Variants in SPHK1 observed in about 807,000 individuals in gnomAD.
SPHK1 encodes sphingosine kinase 1.
Under a neutral mutation model 14.6 loss-of-function variants are expected in SPHK1, and 10 were observed. The observed-to-expected ratio is 0.68, with a 90% CI of 0.42 to 1.16. The LOEUF (loss-of-function observed/expected upper bound fraction) is 1.16. Ranked by LOEUF, SPHK1 falls within the 50% of genes most tolerant of loss-of-function variation. The pLI is 0.00. For missense variants in SPHK1, 553 were observed against 525.4 expected (o/e 1.05, Z -0.51); for synonymous variants, 274 against 224.0 (o/e 1.22, Z -1.99).
chr17:76,385,416 C>G lies in SPHK1; in HGVS notation c.-194-35C>G, dbSNP rs761460635. ...GCTCCCCACCTCTGGCAGCTGCGGC[C>G]CCGGACTCCGCCAGCGCTGTCTTCT... On this transcript the variant is annotated intron_variant, in intron 1 of 5. Transcript: ENST00000592299. This position sits in a 1 kb window ranked among gnomAD's most constrained non-coding sequence, Gnocchi z 5.3. 25 of 1,487,828 alleles carry G rather than the reference C, an allele frequency of 1.7e-5. 1 individual carries two copies. In the South Asian group the frequency reaches 3.2e-4, roughly 19 times the overall value. The allele number at this position is 1,487,828 out of a possible 1,614,324, so 92.2% of individuals were successfully genotyped here.
At position 76,386,184 on chromosome 17, in the gene SPHK1, AC is replaced by A. The variant is rs760132873; in HGVS notation, c.164-30del. ...TTTCGGGAGCATCCCCTGGCAGGGG[AC>A]CCCCCCAGTCCTGATAGCTGCCGGT... On this transcript the variant is annotated intron_variant, in intron 3 of 5. Transcript: ENST00000592299. The surrounding 1 kb of genome is among the most constrained non-coding windows in gnomAD (Gnocchi z 5.3). 2.7e-5 allele frequency: 43 copies of A among 1,586,558 alleles called. No homozygotes were observed. Among genetic ancestry groups the A allele is most frequent in the African/African-American group, 4.1e-5 (3 of 74,024 alleles).
Position 76,385,667 on chromosome 17 carries a change from C to G in SPHK1, c.10+13C>G. The G allele has an allele frequency of 6.5e-7, 1 of 1,533,360 alleles. No individual in the cohort carries two copies. Among genetic ancestry groups the G allele is most frequent in the South Asian group, 1.2e-5 (1 of 83,840 alleles). The allele number at this position is 1,533,360 out of a possible 1,614,324, so 95.0% of individuals were successfully genotyped here. Reference sequence around the variant, plus strand: ...GTTATGGATCCAGGTTTGTGGGGTTCCTGCTGGGAAGGGCTGTAGGGGGAT... The same window carrying G: ...GTTATGGATCCAGGTTTGTGGGGTTGCTGCTGGGAAGGGCTGTAGGGGGAT... On this transcript the variant is annotated intron_variant, in intron 2 of 5. Coordinates refer to ENST00000592299, the MANE Select transcript of SPHK1 (RefSeq NM_001142601.2). This position sits in a 1 kb window ranked among gnomAD's most constrained non-coding sequence, Gnocchi z 5.3.
At position 76,387,257 on chromosome 17, in the gene SPHK1, C is replaced by A. The variant is rs571579493; in HGVS notation, c.826C>A (p.Pro276Thr). 14 of 1,613,414 alleles carry A rather than the reference C, an allele frequency of 8.7e-6. No individual in the cohort carries two copies. The South Asian group carries it at 1.4e-4, about 16-fold the overall frequency. ...SHLGSEMFAA[P>T]MGRCAAGVMH... The stretch of plus-strand genomic sequence containing the variant: ...CCTGGGCAGTGAGATGTTTGCTGCA[C>A]CCATGGGCCGCTGTGCAGCTGGCGT... The change falls in exon 6 of 6, where the codon CCC (proline) becomes ACC (threonine). Residue 276 changes from proline (P) to threonine (T), a missense_variant. Transcript: ENST00000592299. This position sits in a 1 kb window ranked among gnomAD's most constrained non-coding sequence, Gnocchi z 4.1.
chr17:76,383,401 G>C (rs1050908155), upstream of SPHK1: 21 of 157,468 alleles, frequency 1.3e-4, 1 homozygote, highest in South Asian at 3.3e-3. Context: ...AAACGGGGCC[G>C]AGCTGCCTGG....
rs1429895315 is a variant in SPHK1 at position 76,387,059 on chromosome 17, C to G, written c.628C>G (p.Leu210Val). The change falls in exon 6 of 6, where the codon CTG (leucine) becomes GTG (valine). Residue 210 changes from leucine (L) to valine (V), a missense_variant. Leu to Val is a conservative substitution (Grantham distance 32). Coordinates refer to ENST00000592299, the MANE Select transcript of SPHK1 (RefSeq NM_001142601.2). This position sits in a 1 kb window ranked among gnomAD's most constrained non-coding sequence, Gnocchi z 4.1. ...LAALRTYRGR[L>V]AYLPVGRVGS... ...AGCCCTGCGCACCTACCGCGGCCGA[C>G]TGGCCTACCTCCCTGTAGGAAGAGT... 1 of 1,613,410 alleles carries G rather than the reference C, an allele frequency of 6.2e-7. No individual in the cohort carries two copies. The highest frequency in any genetic ancestry group is 8.5e-7 in the Non-Finnish European group (1 of 1,180,054).
chr17:76,386,986 G>A lies in SPHK1; in HGVS notation c.555G>A (p.Arg185=). The A allele has an allele frequency of 6.2e-7, 1 of 1,613,692 alleles. No individual in the cohort carries two copies. Among genetic ancestry groups the A allele is most frequent in the Non-Finnish European group, 8.5e-7 (1 of 1,179,958 alleles). ...ADVDLESEKY[R]RLGEMRFTLG... ...TGGACCTAGAGAGTGAGAAGTATCG[G>A]CGTCTGGGGGAGATGCGCTTCACTC... Residue 185 remains arginine, a synonymous_variant, in exon 6 of 6, where the codon CGG becomes CGA. Coordinates refer to ENST00000592299, the MANE Select transcript of SPHK1 (RefSeq NM_001142601.2). This position sits in a 1 kb window ranked among gnomAD's most constrained non-coding sequence, Gnocchi z 5.3.
In SPHK1 at chr17:76,385,273, T is replaced by G; in HGVS notation, c.-194-178T>G. The G allele has an allele frequency of 1.3e-6, 2 of 1,502,770 alleles. No homozygotes were observed. Among genetic ancestry groups the G allele is most frequent in the Non-Finnish European group, 1.8e-6 (2 of 1,124,238 alleles). The allele number at this position is 1,502,770 out of a possible 1,614,324, so 93.1% of individuals were successfully genotyped here. On this transcript the variant is annotated intron_variant, in intron 1 of 5. Transcript: ENST00000592299. The surrounding 1 kb of genome is among the most constrained non-coding windows in gnomAD (Gnocchi z 5.3). ...GAGAAAGCCCCGGAGCAGGCGCCCT[T>G]CTCAGGGATTGTAGGCTTAGTCACA...
Position 76,385,301 on chromosome 17 carries a change from G to T in SPHK1, c.-194-150G>T. On this transcript the variant is annotated intron_variant, in intron 1 of 5. Coordinates refer to ENST00000592299, the MANE Select transcript of SPHK1 (RefSeq NM_001142601.2). The surrounding 1 kb of genome is among the most constrained non-coding windows in gnomAD (Gnocchi z 5.3). ...CAGGGATTGTAGGCTTAGTCACACG[G>T]CGGGGGCGCCCTCGGAGGCACCGGA... 6.8e-7 allele frequency: 1 copy of T among 1,464,122 alleles called. No individual in the cohort carries two copies. The highest frequency in any genetic ancestry group is 9.0e-7 in the Non-Finnish European group (1 of 1,106,958). 90.7% of individuals were successfully genotyped at this position (1,464,122 alleles called of 1,614,324 possible).
chr17:76,383,917 C>T (rs1305482465), upstream of SPHK1: 3 of 1,189,910 alleles, frequency 2.5e-6, no homozygotes, highest in Non-Finnish European at 3.2e-6. Flanking sequence ...CTCTCCGGCT[C>T]GGAGCCCCCG....
In SPHK1 at chr17:76,387,818, C is replaced by G. The variant is rs2072023329; in HGVS notation, c.*232C>G. The G allele has an allele frequency of 7.9e-6, 4 of 506,420 alleles. No individual in the cohort carries two copies. The Admixed American group carries it at 1.1e-4, about 14-fold the overall frequency. The allele number at this position is 506,420 out of a possible 1,614,324, so 31.4% of individuals were successfully genotyped here. ...GCCTTCTAGTTTGTTCTGAGACCCC[C>G]ACCCCACGAACCAAATCCAAATAAA... On this transcript the variant is annotated 3_prime_UTR_variant, in exon 6 of 6. Coordinates refer to ENST00000592299, the MANE Select transcript of SPHK1 (RefSeq NM_001142601.2). This position sits in a 1 kb window ranked among gnomAD's most constrained non-coding sequence, Gnocchi z 4.1.
upstream of SPHK1, chr17:76,383,780 C>G: frequency 1.6e-6 from 2 of 1,219,066 alleles, no homozygotes; most frequent in Non-Finnish European, 2.2e-6. Flanking sequence ...AAAGAAGTGA[C>G]AACTTCTGAG....
upstream of SPHK1, chr17:76,384,560 G>A (rs1315429731): frequency 6.6e-6 from 1 of 151,242 alleles, no homozygotes; most frequent in Admixed American, 6.6e-5. Flanking sequence ...GCCGGGCTCA[G>A]GTTCCACCCC....
In SPHK1 at chr17:76,386,845, C is replaced by T; in HGVS notation, c.414C>T (p.Cys138=). 6.3e-7 allele frequency: 1 copy of T among 1,581,098 alleles called. No homozygotes were observed. The highest frequency in any genetic ancestry group is 8.6e-7 in the Non-Finnish European group (1 of 1,161,550). ...CCAATGAAGACCTCCTGACCAACTG[C>T]ACGCTATTGCTGTGCCGCCGGCTGC... ...QVTNEDLLTN[C]TLLLCRRLLS... is the part of the protein sequence containing the mutation. Residue 138 remains cysteine (C), a synonymous_variant, in exon 6 of 6, where the codon TGC becomes TGT. Transcript: ENST00000592299. This position sits in a 1 kb window ranked among gnomAD's most constrained non-coding sequence, Gnocchi z 5.3.
chr17:76,383,912 C>A, upstream of SPHK1: 1 of 1,196,112 alleles, frequency 8.4e-7, no homozygotes. Context: ...GCCTCCTCTC[C>A]GGCTCGGAGC....
Position 76,386,812 on chromosome 17 carries a change from G to T in SPHK1, c.381G>T (p.Glu127Asp). The T allele has an allele frequency of 6.5e-7, 1 of 1,546,576 alleles. No homozygotes were observed. ...AASLNHYAGY[E>D]QVTNEDLLTN... The stretch of plus-strand genomic sequence containing the variant: ...TGACTTTTTCCCCCTGCAGCTATGA[G>T]CAGGTCACCAATGAAGACCTCCTGA... Residue 127 changes from glutamate to aspartate, a missense_variant, in exon 6 of 6, where the codon GAG becomes GAT. Coordinates refer to ENST00000592299, the MANE Select transcript of SPHK1 (RefSeq NM_001142601.2). This position sits in a 1 kb window ranked among gnomAD's most constrained non-coding sequence, Gnocchi z 5.3.
chr17:76,385,790 C>G lies in SPHK1; in HGVS notation c.10+136C>G, dbSNP rs749563845. On this transcript the variant is annotated intron_variant, in intron 2 of 5. Transcript: ENST00000592299. The surrounding 1 kb of genome is among the most constrained non-coding windows in gnomAD (Gnocchi z 5.3). ...ATCCCTCACGAGGCCAGAAGCCGGC[C>G]GAATCTGAGCCAAGGAAGGGGGTGG... 34 of 1,423,220 alleles carry G rather than the reference C, an allele frequency of 2.4e-5. 1 individual carries two copies. The Middle Eastern group carries it at 1.4e-3, about 58-fold the overall frequency. The allele number at this position is 1,423,220 out of a possible 1,614,324, so 88.2% of individuals were successfully genotyped here. A position where few individuals can be genotyped will look rare whatever the true frequency, so the allele number is the denominator to read the frequency against.
rs1001163754 is a variant in SPHK1 at position 76,385,028 on chromosome 17, C to T, written c.-195+222C>T. 7.3e-6 allele frequency: 11 copies of T among 1,497,842 alleles called. No individual in the cohort carries two copies. The highest frequency in any genetic ancestry group is 9.0e-6 in the Non-Finnish European group (10 of 1,112,198). The allele number at this position is 1,497,842 out of a possible 1,614,324, so 92.8% of individuals were successfully genotyped here. A position where few individuals can be genotyped will look rare whatever the true frequency, so the allele number is the denominator to read the frequency against. On this transcript the variant is annotated intron_variant, in intron 1 of 5. Coordinates refer to ENST00000592299, the MANE Select transcript of SPHK1 (RefSeq NM_001142601.2). The surrounding 1 kb of genome is among the most constrained non-coding windows in gnomAD (Gnocchi z 5.3). ...GAAGCGCGCGCCGCGGCTCCCACCGCTCTGGAGCTCCGGGCAGGGGACACG... is the reference window on the plus strand; with the variant it reads ...GAAGCGCGCGCCGCGGCTCCCACCGTTCTGGAGCTCCGGGCAGGGGACACG...
In SPHK1 at chr17:76,385,764, T is replaced by C; in HGVS notation, c.10+110T>C. ...GGCTGTGGACGATCGGGAGAAACAT[T>C]ATCCCTCACGAGGCCAGAAGCCGGC... is the stretch of plus-strand genomic sequence containing the variant. On this transcript the variant is annotated intron_variant, in intron 2 of 5. Transcript: ENST00000592299. This position sits in a 1 kb window ranked among gnomAD's most constrained non-coding sequence, Gnocchi z 5.3. 1 of 1,422,756 alleles carries C rather than the reference T, an allele frequency of 7.0e-7. No homozygotes were observed. Among genetic ancestry groups the C allele is most frequent in the Non-Finnish European group, 9.6e-7 (1 of 1,045,944 alleles). The allele number at this position is 1,422,756 out of a possible 1,614,324, so 88.1% of individuals were successfully genotyped here.
intron 1 of SPHK1, 123 bp downstream of exon 1, chr17:76,384,929 C>A (rs1254225818): frequency 5.6e-5 from 35 of 624,560 alleles, no homozygotes; most frequent in Admixed American, 4.4e-5. Context: ...TGGCCCGGTT[C>A]GGGCTTGGCT....
Sources: gnomAD v4.1 joint callset for allele counts on GRCh38, gnomAD v4.1.1 for gene constraint, Gnocchi (gnomAD v3.1) non-coding constraint, MANE v1.5 for transcripts, NCBI Gene and HGNC (gene_info 2026-07-23, HGNC 2026-07-21) for gene names.